NALF1: variants seen among roughly 807,000 people sequenced by gnomAD.
NALF1 encodes the protein NALCN channel auxiliary factor 1.
In NALF1, 3 loss-of-function variants were observed where a neutral mutation model predicts 48.4. That is an observed-to-expected ratio of 0.06 (90% CI 0.03 to 0.16). The LOEUF is 0.16. Ranked by LOEUF, NALF1 falls within the 10% of genes least tolerant of loss-of-function variation. The probability of loss-of-function intolerance (pLI) is 1.00; values close to 1 mark genes in which losing one functional copy is unlikely to be tolerated. For synonymous variants in NALF1, 262 were observed against 245.7 expected (o/e 1.07, Z -0.62); for missense variants, 526 against 571.5 (o/e 0.92, Z 0.81).
At chr13:107,576,248 A>G (rs1439433631) in intron 1 of NALF1, among the ~76,000 whole-genome samples, 1 of 152,210 alleles carries the variant, frequency 6.6e-6, no homozygotes, top group African/African-American at 2.4e-5. Context: ...CTCTTCTTAT[A>G]GAGGATAACC....
At chr13:107,522,461 CTT>C (rs1443649190) in intron 1 of NALF1, among the ~76,000 whole-genome samples, 2 of 152,040 alleles carry the variant, frequency 1.3e-5, no homozygotes, top group African/African-American at 2.4e-5. Flanking sequence ...TGTCTTCTAT[CTT>C]TTCCAGAATT....
intron 1 of NALF1, among the ~76,000 whole-genome samples, chr13:107,594,477 C>T (rs938120532): frequency 1.3e-5 from 2 of 151,960 alleles, no homozygotes; most frequent in Non-Finnish European, 2.9e-5. Flanking sequence ...TCCCCTGTGT[C>T]CCTGTGTGCA....
chr13:107,497,879 C>A (rs549300336), intron 1 of NALF1, among the ~76,000 whole-genome samples: 1 of 152,202 alleles, frequency 6.6e-6, no homozygotes, highest in Admixed American at 6.6e-5. Flanking sequence ...AACGAAATCA[C>A]AAATTAGCAA....
At chr13:107,767,803 T>C (rs752342075) in intron 1 of NALF1, among the ~76,000 whole-genome samples, 37 of 152,222 alleles carry the variant, frequency 2.4e-4, no homozygotes, top group Non-Finnish European at 4.8e-4. Flanking sequence ...TTATATATGA[T>C]AGCATACCCT....
rs549001164 is a variant in NALF1, at chr13:107,432,239, T to A, written c.916-221484A>T. On this transcript the variant is annotated intron_variant, in intron 1 of 2. Transcript: ENST00000375915. Reference sequence around the variant, plus strand: ...CAGGTCTCTGGAGAACTCACTCATCTCCAAAGGGCTGACACCAAACCATTC... The same window carrying A: ...CAGGTCTCTGGAGAACTCACTCATCACCAAAGGGCTGACACCAAACCATTC... Among the ~76,000 whole-genome samples, 186 of 152,166 alleles carry A rather than the reference T, an allele frequency of 1.2e-3. 1 individual carries two copies. The highest frequency in any genetic ancestry group is 4.0e-3 in the African/African-American group (167 of 41,502).
chr13:107,254,062 A>AAAAAAAAAAAAATATAT lies in NALF1; in HGVS notation c.916-43308_916-43307insATATATTTTTTTTTTTT. Among the ~76,000 whole-genome samples the AAAAAAAAAAAAATATAT allele has an allele frequency of 4.3e-5, 6 of 138,682 alleles. 1 individual carries two copies. Among genetic ancestry groups the AAAAAAAAAAAAATATAT allele is most frequent in the East Asian group, 2.1e-4 (1 of 4,876 alleles). 91.0% of individuals were successfully genotyped at this position (138,682 alleles called of 152,430 possible). On this transcript the variant is annotated intron_variant, in intron 1 of 2. Transcript: ENST00000375915. The stretch of plus-strand genomic sequence containing the variant: ...AGATGTTTAAGGGAGCAAGTACTAA[A>AAAAAAAAAAAAATATAT]ATATATATATATATATTAAGCACAC...
intron 1 of NALF1, among the ~76,000 whole-genome samples, chr13:107,816,994 G>A (rs1006438698): frequency 1.3e-5 from 2 of 152,034 alleles, no homozygotes; most frequent in Non-Finnish European, 2.9e-5. Flanking sequence ...ATAAATGTAG[G>A]GTTTTTTGTA....
intron 1 of NALF1, among the ~76,000 whole-genome samples, chr13:107,708,137 G>A (rs1283524375): frequency 6.6e-6 from 1 of 152,076 alleles, no homozygotes; most frequent in African/African-American, 2.4e-5. Context: ...TGAAAATCAT[G>A]ATAAAATTTG....
chr13:107,860,661 C>T (rs1249167355), intron 1 of NALF1, among the ~76,000 whole-genome samples: 1 of 152,052 alleles, frequency 6.6e-6, no homozygotes, highest in African/African-American at 2.4e-5. Flanking sequence ...ATATTTGGTG[C>T]TTAGTCATTG....
chr13:107,578,204 C>A (rs529435795), intron 1 of NALF1, among the ~76,000 whole-genome samples: 1 of 152,312 alleles, frequency 6.6e-6, no homozygotes, highest in East Asian at 1.9e-4. Context: ...TGTTCTTCCA[C>A]CTTTTCTTTA....
At chr13:107,672,466 C>A (rs1190541000) in intron 1 of NALF1, among the ~76,000 whole-genome samples, 1 of 152,070 alleles carries the variant, frequency 6.6e-6, no homozygotes, top group Non-Finnish European at 1.5e-5. Context: ...CTAATATCAA[C>A]TATAGTCAGG....
At chr13:107,618,400 TG>T (rs1158251287) in intron 1 of NALF1, among the ~76,000 whole-genome samples, 1 of 152,186 alleles carries the variant, frequency 6.6e-6, no homozygotes, top group Non-Finnish European at 1.5e-5. Flanking sequence ...TGTGTGCATT[TG>T]GGTTTTGTTT....
chr13:107,593,571 G>A (rs1163784989), intron 1 of NALF1, among the ~76,000 whole-genome samples: 1 of 151,836 alleles, frequency 6.6e-6, no homozygotes, highest in Admixed American at 6.6e-5. Context: ...AAACTGCTGA[G>A]AGACCTAAGT....
At chr13:107,257,368 A>G (rs1244412820) in intron 1 of NALF1, among the ~76,000 whole-genome samples, 1 of 152,212 alleles carries the variant, frequency 6.6e-6, no homozygotes, top group Non-Finnish European at 1.5e-5. Context: ...AAAGTCATTT[A>G]ACTAATAATA....
chr13:107,658,917 AG>A (rs749057942), intron 1 of NALF1, among the ~76,000 whole-genome samples: 2 of 152,076 alleles, frequency 1.3e-5, no homozygotes, highest in Non-Finnish European at 2.9e-5. Flanking sequence ...CAGTCAAGGA[AG>A]GTAGTGACCT....
At chr13:107,485,822 G>C (rs900501505) in intron 1 of NALF1, among the ~76,000 whole-genome samples, 3 of 152,144 alleles carry the variant, frequency 2.0e-5, no homozygotes, top group Non-Finnish European at 4.4e-5. Flanking sequence ...TGTTTAGGTG[G>C]CTTTTCTCAG....
At chr13:107,509,659 G>T (rs899130867) in intron 1 of NALF1, among the ~76,000 whole-genome samples, 13 of 151,976 alleles carry the variant, frequency 8.6e-5, no homozygotes, top group Non-Finnish European at 1.8e-4. Flanking sequence ...ATGGAGAAGG[G>T]ATTAATACAA....
chr13:107,633,870 ATG>A (rs1197031379), intron 1 of NALF1, among the ~76,000 whole-genome samples: 1 of 143,696 alleles, frequency 7.0e-6, no homozygotes, highest in East Asian at 2.0e-4. Context: ...ATGTGTGTGT[ATG>A]TGTGTGTGTA....
chr13:107,498,547 A>G (rs901883321), intron 1 of NALF1, among the ~76,000 whole-genome samples: 1 of 152,150 alleles, frequency 6.6e-6, no homozygotes, highest in Admixed American at 6.6e-5. Flanking sequence ...ACAGGGAAAG[A>G]TATCTGTTGA....
Sources: allele counts gnomAD v4.1 joint callset (sites outside exome capture counted in the v4.1 genomes callset), GRCh38; gene constraint gnomAD v4.1.1; transcripts MANE v1.5; gene names NCBI Gene and HGNC (gene_info 2026-07-23, HGNC 2026-07-21).